CAST: variants seen among roughly 807,000 people sequenced by gnomAD.
CAST encodes the protein MIR583 host.
A neutral mutation model predicts 119.6 loss-of-function variants in CAST; 76 were observed. The ratio of observed to expected loss-of-function variants is 0.64; its 90% CI spans 0.53 to 0.77. The LOEUF (loss-of-function observed/expected upper bound fraction) is 0.77, where lower values mean the gene tolerates loss of function less well. CAST is among the 30% of genes least tolerant of loss of function. The probability of loss-of-function intolerance (pLI) is 0.00; values close to 1 mark genes in which losing one functional copy is unlikely to be tolerated. For synonymous variants in CAST, 319 were observed against 331.6 expected (o/e 0.96, Z 0.41); for missense variants, 953 against 946.5 (o/e 1.01, Z -0.09).
chr5:96,407,208 C>A, the CAST span, among the ~76,000 whole-genome samples: 4 of 152,058 alleles, frequency 2.6e-5, no homozygotes, highest in African/African-American at 9.7e-5. Flanking sequence ...AACTACATTT[C>A]ATTAAAAATT....
At chr5:96,332,120 C>T in the CAST span, among the ~76,000 whole-genome samples, 1 of 152,184 alleles carries the variant, frequency 6.6e-6, no homozygotes, top group Non-Finnish European at 1.5e-5. Context: ...CAAATATGCC[C>T]ATCTGGAAAG....
Position 96,707,273 on chromosome 5 carries a change from C to T in CAST, c.210+11366C>T, listed in dbSNP as rs543177201. Among the ~76,000 whole-genome samples, 27 of 152,248 alleles carry T rather than the reference C, an allele frequency of 1.8e-4. 1 individual carries two copies. Among genetic ancestry groups the T allele is most frequent in the Admixed American group, 1.4e-3 (22 of 15,286 alleles). ...TTGCCATTTGTTTTCCTACAGATCC[C>T]TTTACAACACTCTGTTTTTTAAAAA... On this transcript the variant is annotated intron_variant, in intron 3 of 31. Coordinates refer to ENST00000675179, the MANE Select transcript of CAST (RefSeq NM_001750.7).
chr5:96,016,981 C>T, the CAST span, among the ~76,000 whole-genome samples: 2 of 151,916 alleles, frequency 1.3e-5, no homozygotes, highest in Non-Finnish European at 2.9e-5. Context: ...GGACTACAGG[C>T]GCCTGCCACC....
At chr5:96,444,702 G>A in the CAST span, among the ~76,000 whole-genome samples, 2 of 152,046 alleles carry the variant, frequency 1.3e-5, no homozygotes, top group Admixed American at 6.5e-5. Flanking sequence ...TCTCATGTCT[G>A]AGAATATTAA....
chr5:96,435,381 C>T, the CAST span, among the ~76,000 whole-genome samples: 1 of 152,224 alleles, frequency 6.6e-6, no homozygotes, highest in African/African-American at 2.4e-5. Context: ...CCACACAATA[C>T]AGATATCAGT....
At chr5:96,039,251 T>A in the CAST span, among the ~76,000 whole-genome samples, 1 of 152,198 alleles carries the variant, frequency 6.6e-6, no homozygotes, top group Non-Finnish European at 1.5e-5. Flanking sequence ...TTGTTTAAAT[T>A]CTTTGTAGAT....
chr5:96,171,713 G>A, the CAST span, among the ~76,000 whole-genome samples: 1 of 152,242 alleles, frequency 6.6e-6, no homozygotes, highest in Non-Finnish European at 1.5e-5. Flanking sequence ...GGCAGAGATT[G>A]AAGTGTGGCG....
intron 1 of CAST, among the ~76,000 whole-genome samples, chr5:96,555,272 A>G (rs1455304282): frequency 6.6e-6 from 1 of 152,230 alleles, no homozygotes; most frequent in Non-Finnish European, 1.5e-5. Flanking sequence ...GAATAGGAAC[A>G]GCTCCAGTCT....
At chr5:96,650,728 T>TTGTGTGTGTGTGTGTGTGTGTG (rs34230121) in intron 1 of CAST, among the ~76,000 whole-genome samples, 1 of 142,058 alleles carries the variant, frequency 7.0e-6, no homozygotes, top group Non-Finnish European at 1.5e-5. Flanking sequence ...ACCCACTTAA[T>TTGTGTGTGTGTGTGTGTGTGTG]TGTGTGTGTG....
chr5:96,671,782 A>C (rs1223470609), intron 1 of CAST, among the ~76,000 whole-genome samples: 2 of 152,228 alleles, frequency 1.3e-5, no homozygotes, highest in Non-Finnish European at 2.9e-5. Context: ...AGTTACACGT[A>C]GTAGTGGTCA....
chr5:96,770,511 T>C lies in CAST; in HGVS notation c.2269-20T>C. On this transcript the variant is annotated intron_variant, in intron 29 of 31. Transcript: ENST00000675179. ...TGGATTGGTGATAGCCATAGCCTCA[T>C]TACATTTCCTTTGCTTTAGGATAAG... is the stretch of plus-strand genomic sequence containing the variant. 3 of 1,577,224 alleles carry C rather than the reference T, an allele frequency of 1.9e-6. No homozygotes were observed. Among genetic ancestry groups the C allele is most frequent in the East Asian group, 2.2e-5 (1 of 44,658 alleles).
At chr5:96,732,121 A>G (rs1158108928) in intron 9 of CAST, among the ~76,000 whole-genome samples, 1 of 139,470 alleles carries the variant, frequency 7.2e-6, no homozygotes, top group African/African-American at 2.7e-5. Context: ...TCCCACCAAC[A>G]GTGTAAAAGT....
the CAST span, among the ~76,000 whole-genome samples, chr5:96,419,384 T>TTA: frequency 1.2e-3 from 166 of 144,092 alleles, 3 homozygotes; most frequent in East Asian, 6.0e-3. Context: ...ATAATACTTA[T>TTA]TATATATATA....
At chr5:96,068,282 C>T in the CAST span, among the ~76,000 whole-genome samples, 1 of 151,992 alleles carries the variant, frequency 6.6e-6, no homozygotes, top group Non-Finnish European at 1.5e-5. Context: ...AACCTCTGGC[C>T]TTATATATTA....
the CAST span, among the ~76,000 whole-genome samples, chr5:96,380,023 A>G: frequency 1.3e-5 from 2 of 152,310 alleles, no homozygotes; most frequent in East Asian, 3.9e-4. Flanking sequence ...CTTGCCTAAA[A>G]GGAACAATAT....
At chr5:96,411,064 G>A in the CAST span, 3 of 1,000,604 alleles carry the variant, frequency 3.0e-6, no homozygotes, top group Non-Finnish European at 4.8e-6. Context: ...AATCCCCAAC[G>A]ACTACATGTG....
At chr5:96,390,138 A>G in the CAST span, among the ~76,000 whole-genome samples, 3 of 152,222 alleles carry the variant, frequency 2.0e-5, no homozygotes, top group Admixed American at 1.3e-4. Context: ...AGGCTCAGTC[A>G]TACAGCTTTG....
chr5:96,764,319 G>A (rs775309742), intron 25 of CAST, among the ~76,000 whole-genome samples: 3 of 151,964 alleles, frequency 2.0e-5, no homozygotes, highest in Non-Finnish European at 4.4e-5. Flanking sequence ...CACATTTCAC[G>A]GCCAAGGAAA....
At chr5:96,100,865 C>T in the CAST span, among the ~76,000 whole-genome samples, 21 of 151,960 alleles carry the variant, frequency 1.4e-4, no homozygotes, top group Middle Eastern at 3.4e-3. Flanking sequence ...AATTGTTATA[C>T]TATATATATT....
Sources: gnomAD v4.1 joint callset for allele counts (sites outside exome capture counted in the v4.1 genomes callset) on GRCh38, gnomAD v4.1.1 for gene constraint, MANE v1.5 for transcripts, NCBI Gene and HGNC (gene_info 2026-07-23, HGNC 2026-07-21) for gene names.